Variants in ITFG1 observed in about 807,000 individuals in gnomAD.
ITFG1 encodes integrin alpha FG-GAP repeat containing 1.
Under a neutral mutation model 81.8 loss-of-function variants are expected in ITFG1, and 34 were observed. That is an observed-to-expected ratio of 0.42 (90% CI 0.32 to 0.55). ITFG1 has a LOEUF of 0.55. Among genes scored for constraint, ITFG1 ranks in the 20% least tolerant of loss-of-function variants. The probability of loss-of-function intolerance (pLI) is 0.17; values close to 1 mark genes in which losing one functional copy is unlikely to be tolerated. For missense variants in ITFG1, 672 were observed against 755.4 expected (o/e 0.89, Z 1.29); for synonymous variants, 285 against 270.6 (o/e 1.05, Z -0.52).
At chr16:47,437,761 C>T (rs1292103324) in intron 5 of ITFG1, among the ~76,000 whole-genome samples, 1 of 152,238 alleles carries the variant, frequency 6.6e-6, no homozygotes, top group African/African-American at 2.4e-5. Flanking sequence ...CTACAGCTCC[C>T]ACTGTGAGTG....
intron 6 of ITFG1, among the ~76,000 whole-genome samples, chr16:47,386,596 G>A (rs111406804): frequency 2.6e-5 from 4 of 152,194 alleles, no homozygotes; most frequent in African/African-American, 7.2e-5. Context: ...GGGGCCTAGC[G>A]ACTCACACAC....
chr16:47,178,954 C>T (rs1360175073), intron 14 of ITFG1, among the ~76,000 whole-genome samples: 2 of 152,172 alleles, frequency 1.3e-5, no homozygotes, highest in Non-Finnish European at 2.9e-5. Flanking sequence ...GACATTTATA[C>T]AGCCAACAGA....
Position 47,443,460 on chromosome 16 carries a change from G to A in ITFG1, c.560+7936C>T, listed in dbSNP as rs549548693. ...AGATACATGCACACGTATGTTTATTGCGACACTATTCACAATAGCAAAGAG... is the reference window on the plus strand; with the variant it reads ...AGATACATGCACACGTATGTTTATTACGACACTATTCACAATAGCAAAGAG... On this transcript the variant is annotated intron_variant, in intron 5 of 17. Transcript: ENST00000320640. 2.6e-5 allele frequency among the ~76,000 whole-genome samples: 4 copies of A among 152,232 alleles called. No individual in the cohort carries two copies. The South Asian group carries it at 6.2e-4, about 24-fold the overall frequency.
chr16:47,334,075 T>C (rs1273350276), intron 8 of ITFG1, among the ~76,000 whole-genome samples: 1 of 152,246 alleles, frequency 6.6e-6, no homozygotes, highest in African/African-American at 2.4e-5. Flanking sequence ...CATGTTCTAT[T>C]TTATTAATCA....
chr16:47,161,893 C>T (rs1964812243), intron 15 of ITFG1, 61 bp from the exon 16 acceptor site: 3 of 970,666 alleles, frequency 3.1e-6, no homozygotes, highest in Admixed American at 1.7e-5. Flanking sequence ...AATTATTATT[C>T]TAAATAAATA....
intron 7 of ITFG1, among the ~76,000 whole-genome samples, chr16:47,367,674 C>T (rs916490563): frequency 6.6e-6 from 1 of 152,210 alleles, no homozygotes; most frequent in Non-Finnish European, 1.5e-5. Context: ...TGCTTGAGGA[C>T]CATGAGTAAG....
chr16:47,383,135 A>T (rs928937729), intron 6 of ITFG1, among the ~76,000 whole-genome samples: 7 of 152,194 alleles, frequency 4.6e-5, no homozygotes, highest in African/African-American at 1.4e-4. Context: ...ATTAATACAA[A>T]CTTCAAACAT....
intron 10 of ITFG1, among the ~76,000 whole-genome samples, chr16:47,286,899 G>A (rs1319877015): frequency 6.6e-6 from 1 of 152,128 alleles, no homozygotes; most frequent in African/African-American, 2.4e-5. Context: ...AAAACTCACT[G>A]AACATCTCAC....
chr16:47,240,429 G>C (rs1473991787), intron 12 of ITFG1, among the ~76,000 whole-genome samples: 1 of 150,620 alleles, frequency 6.6e-6, no homozygotes, highest in Non-Finnish European at 1.5e-5. Context: ...AATAATAAAA[G>C]AACTCTTAAA....
At chr16:47,366,778 C>T (rs1164409627) in intron 7 of ITFG1, among the ~76,000 whole-genome samples, 2 of 152,020 alleles carry the variant, frequency 1.3e-5, no homozygotes, top group Admixed American at 1.3e-4. Flanking sequence ...TGAGTTTTTC[C>T]TTCTTTGCTC....
chr16:47,336,082 C>T (rs1967700306), intron 8 of ITFG1, among the ~76,000 whole-genome samples: 1 of 152,172 alleles, frequency 6.6e-6, no homozygotes, highest in African/African-American at 2.4e-5. Context: ...ACCTTAGATG[C>T]TAACAAGCCA....
chr16:47,183,136 C>A (rs1029976238), intron 14 of ITFG1, among the ~76,000 whole-genome samples: 1 of 152,214 alleles, frequency 6.6e-6, no homozygotes, highest in Non-Finnish European at 1.5e-5. Context: ...CCTACGCCCA[C>A]GGAGTCTCGC....
rs568506866 is a variant in ITFG1 at position 47,457,804 on chromosome 16, C to G, written c.281+1299G>C. 1.0e-3 allele frequency among the ~76,000 whole-genome samples: 159 copies of G among 152,222 alleles called. 5 individuals carry two copies. The South Asian group carries it at 0.032, about 30-fold the overall frequency. ...TAATTTCTAATAAAAAAAAAATCAC[C>G]TCTATGCAGTTAGTTCACTTCTCAT... is the stretch of plus-strand genomic sequence containing the variant. On this transcript the variant is annotated intron_variant, in intron 2 of 17. Coordinates refer to ENST00000320640, the MANE Select transcript of ITFG1 (RefSeq NM_030790.5).
chr16:47,369,454 C>T (rs372249228), intron 7 of ITFG1, among the ~76,000 whole-genome samples: 1 of 152,168 alleles, frequency 6.6e-6, no homozygotes, highest in East Asian at 1.9e-4. Flanking sequence ...CAGTGTTCTG[C>T]AAAATGCAAC....
At chr16:47,208,792 T>C (rs1965531071) in intron 14 of ITFG1, among the ~76,000 whole-genome samples, 1 of 152,206 alleles carries the variant, frequency 6.6e-6, no homozygotes, top group African/African-American at 2.4e-5. Flanking sequence ...CTCTGTTTGT[T>C]ATTAGGTTTA....
At chr16:47,254,255 AG>A (rs1966114925) in intron 12 of ITFG1, among the ~76,000 whole-genome samples, 1 of 152,132 alleles carries the variant, frequency 6.6e-6, no homozygotes, top group Admixed American at 6.5e-5. Flanking sequence ...ATAAATGCCA[AG>A]GAAGAACTTG....
chr16:47,281,703 G>T (rs1320670925), intron 10 of ITFG1, among the ~76,000 whole-genome samples: 2 of 152,066 alleles, frequency 1.3e-5, no homozygotes, highest in Non-Finnish European at 2.9e-5. Flanking sequence ...TTAAGCATCT[G>T]AACATCTGTA....
At chr16:47,318,942 C>T (rs1034928919) in intron 8 of ITFG1, among the ~76,000 whole-genome samples, 3 of 152,118 alleles carry the variant, frequency 2.0e-5, no homozygotes, top group African/African-American at 7.2e-5. Context: ...TCCCATCTAT[C>T]GTCAAACTCA....
At chr16:47,425,150 G>A (rs890913233) in intron 6 of ITFG1, among the ~76,000 whole-genome samples, 19 of 152,172 alleles carry the variant, frequency 1.2e-4, no homozygotes, top group Non-Finnish European at 2.6e-4. Flanking sequence ...CCACAGCAAT[G>A]GTGGATGCTC....
Sources: gnomAD v4.1 joint callset for allele counts (sites outside exome capture counted in the v4.1 genomes callset) on GRCh38, gnomAD v4.1.1 for gene constraint, MANE v1.5 for transcripts, NCBI Gene and HGNC (gene_info 2026-07-23, HGNC 2026-07-21) for gene names.